MYT1L: variants seen among roughly 807,000 people sequenced by gnomAD.
MYT1L encodes myelin transcription factor 1-like protein.
MYT1L carries 12 observed loss-of-function variants against 126.7 expected under a neutral mutation model. The ratio of observed to expected loss-of-function variants is 0.09; its 90% CI spans 0.06 to 0.15. The LOEUF (loss-of-function observed/expected upper bound fraction) is 0.15, where lower values mean the gene tolerates loss of function less well. Among genes scored for constraint, MYT1L ranks in the 10% least tolerant of loss-of-function variants. The pLI, the probability that MYT1L is intolerant of heterozygous loss-of-function variation, is 1.00. For synonymous variants in MYT1L, 541 were observed against 604.2 expected, an observed-to-expected ratio of 0.90 and a Z score of 1.53; for missense variants, 979 against 1,585.2, an observed-to-expected ratio of 0.62 and a Z score of 6.49.
At chr2:1,828,894 T>C (rs1357503261) in intron 21 of MYT1L, among the ~76,000 whole-genome samples, 2 of 152,330 alleles carry the variant, frequency 1.3e-5, no homozygotes, top group East Asian at 1.9e-4. Context: ...TCTTAAGATA[T>C]GAGTTACTTC....
intron 4 of MYT1L, among the ~76,000 whole-genome samples, chr2:2,043,625 A>T (rs6759709): frequency 6.6e-6 from 1 of 151,788 alleles, no homozygotes; most frequent in Admixed American, 6.6e-5. Context: ...CTCCTCCCCC[A>T]ATGGGTCCAT....
At chr2:2,048,702 A>C (rs2068469658) in intron 4 of MYT1L, among the ~76,000 whole-genome samples, 1 of 152,174 alleles carries the variant, frequency 6.6e-6, no homozygotes, top group African/African-American at 2.4e-5. Context: ...CTTAGATCTG[A>C]ATCCCCCTAA....
chr2:1,903,024 C>A (rs1370775561), intron 14 of MYT1L, 56 bp downstream of exon 14: 2 of 1,503,376 alleles, frequency 1.3e-6, no homozygotes, highest in Non-Finnish European at 1.9e-6. Context: ...ATATACACAA[C>A]AACAACATCA....
At chr2:1,953,426 T>A (rs962268768) in intron 8 of MYT1L, among the ~76,000 whole-genome samples, 1 of 152,224 alleles carries the variant, frequency 6.6e-6, no homozygotes, top group African/African-American at 2.4e-5. Flanking sequence ...TGGAATTTTC[T>A]CTCCTACTGA....
Position 1,943,305 on chromosome 2 carries a change from C to CT in MYT1L, c.181dup (p.Arg61LysfsTer6). The CT allele has an allele frequency of 6.4e-7, 1 of 1,572,198 alleles. No individual in the cohort carries two copies. Among genetic ancestry groups the CT allele is most frequent in the Non-Finnish European group, 8.6e-7 (1 of 1,158,114 alleles). On this transcript the variant is annotated frameshift_variant, in exon 9 of 25. Transcript: ENST00000647738. LOFTEE classifies it high-confidence loss of function. The surrounding 1 kb of genome is among the most constrained non-coding windows in gnomAD (Gnocchi z 4.4). ...CTGGGGCTGTTTATCTTGTGTTTTT[C>CT]TTTTTTTCGCCAAGGGACAACCATA...
In MYT1L at chr2:1,790,999, T is replaced by C; in HGVS notation, c.*868A>G. On this transcript the variant is annotated 3_prime_UTR_variant, in exon 25 of 25. Coordinates refer to ENST00000647738, the MANE Select transcript of MYT1L (RefSeq NM_001303052.2). ...GATACGAGAAGGTTGTTCCAAAGTT[T>C]ATTGAAAATGGAAAAGGAAATCTTC... is the stretch of plus-strand genomic sequence containing the variant. 1.0e-5 allele frequency: 3 copies of C among 298,580 alleles called. No individual in the cohort carries two copies. The highest frequency in any genetic ancestry group is 1.3e-5 in the Non-Finnish European group (2 of 149,982). The allele number at this position is 298,580 out of a possible 1,614,324, so 18.5% of individuals were successfully genotyped here. A position where few individuals can be genotyped will look rare whatever the true frequency, so the allele number is the denominator to read the frequency against.
intron 3 of MYT1L, among the ~76,000 whole-genome samples, chr2:2,165,450 AT>A (rs1249976736): frequency 6.6e-6 from 1 of 152,212 alleles, no homozygotes; most frequent in African/African-American, 2.4e-5. Context: ...GTCAACATTT[AT>A]CTTCTAAGAA....
At chr2:2,208,254 G>A (rs760040354) in intron 2 of MYT1L, among the ~76,000 whole-genome samples, 1 of 152,230 alleles carries the variant, frequency 6.6e-6, no homozygotes. Context: ...TCCACTCCCA[G>A]TGAATGTGGG....
rs2031601582 is a variant in MYT1L at position 1,789,223 on chromosome 2, T to C, written c.*2644A>G. 1 of 152,214 alleles carries C rather than the reference T, an allele frequency of 6.6e-6. No homozygotes were observed. Among genetic ancestry groups the C allele is most frequent in the African/African-American group, 2.4e-5 (1 of 41,470 alleles). 9.4% of individuals were successfully genotyped at this position (152,214 alleles called of 1,614,324 possible). A position where few individuals can be genotyped will look rare whatever the true frequency, so the allele number is the denominator to read the frequency against. On this transcript the variant is annotated 3_prime_UTR_variant, in exon 25 of 25. Coordinates refer to ENST00000647738, the MANE Select transcript of MYT1L (RefSeq NM_001303052.2). The stretch of plus-strand genomic sequence containing the variant: ...CAAAGTTCACAATTTAAAAATGAAG[T>C]ATCACAGCAACTTGTGATTCCACAC...
chr2:1,899,950 G>A (rs954813118), intron 14 of MYT1L, among the ~76,000 whole-genome samples: 1 of 152,196 alleles, frequency 6.6e-6, no homozygotes, highest in Non-Finnish European at 1.5e-5. Flanking sequence ...TTTGTGAGTG[G>A]TTTGATCACA....
chr2:1,888,036 T>C (rs1166348210), intron 16 of MYT1L, among the ~76,000 whole-genome samples: 2 of 152,248 alleles, frequency 1.3e-5, no homozygotes, highest in African/African-American at 4.8e-5. Flanking sequence ...CATTGGTCAG[T>C]ATTTTACAAG....
At chr2:1,946,648 C>T (rs551238792) in intron 8 of MYT1L, among the ~76,000 whole-genome samples, 23 of 152,212 alleles carry the variant, frequency 1.5e-4, no homozygotes, top group Non-Finnish European at 3.2e-4. Flanking sequence ...ATAAGCAAAA[C>T]AAGAATAACA....
intron 13 of MYT1L, among the ~76,000 whole-genome samples, chr2:1,909,453 C>T (rs907757677): frequency 3.9e-5 from 6 of 152,072 alleles, no homozygotes; most frequent in South Asian, 2.1e-4. Flanking sequence ...GACAAGGACG[C>T]GTGTTTCTGC....
chr2:1,889,164 T>A lies in MYT1L; in HGVS notation c.2520+77A>T, dbSNP rs555665956. ...AAAATATATTTTCTCATAACGTATG[T>A]GCAAATGGCTTTTCTTTCAGCTGGG... is the stretch of plus-strand genomic sequence containing the variant. On this transcript the variant is annotated intron_variant, in intron 16 of 24. Coordinates refer to ENST00000647738, the MANE Select transcript of MYT1L (RefSeq NM_001303052.2). The surrounding 1 kb of genome is among the most constrained non-coding windows in gnomAD (Gnocchi z 4.1). 16 of 1,099,354 alleles carry A rather than the reference T, an allele frequency of 1.5e-5. No homozygotes were observed. In the South Asian group the frequency reaches 2.3e-4, roughly 15 times the overall value. The allele number at this position is 1,099,354 out of a possible 1,614,324, so 68.1% of individuals were successfully genotyped here. A position where few individuals can be genotyped will look rare whatever the true frequency, so the allele number is the denominator to read the frequency against.
At chr2:2,239,156 C>G (rs2094388549) in intron 2 of MYT1L, among the ~76,000 whole-genome samples, 1 of 152,244 alleles carries the variant, frequency 6.6e-6, no homozygotes. Context: ...ACTACCATTT[C>G]CAGTTTAGAG....
intron 3 of MYT1L, among the ~76,000 whole-genome samples, chr2:2,156,346 A>C (rs1483787813): frequency 6.6e-6 from 1 of 152,206 alleles, no homozygotes; most frequent in Non-Finnish European, 1.5e-5. Flanking sequence ...AGAAGCTGTG[A>C]CTATATTAAA....
intron 2 of MYT1L, among the ~76,000 whole-genome samples, chr2:2,245,280 T>A (rs2008412): frequency 6.6e-6 from 1 of 151,710 alleles, no homozygotes; most frequent in South Asian, 2.1e-4. Flanking sequence ...TCAAAGCATG[T>A]GCTGGGCCGA....
chr2:1,896,456 T>G (rs1034542740), intron 14 of MYT1L, among the ~76,000 whole-genome samples: 1 of 152,214 alleles, frequency 6.6e-6, no homozygotes, highest in South Asian at 2.1e-4. Context: ...AGTGGTGGAT[T>G]AGATAAAGAA....
intron 3 of MYT1L, among the ~76,000 whole-genome samples, chr2:2,085,956 G>A (rs1419573295): frequency 6.6e-6 from 1 of 152,202 alleles, no homozygotes; most frequent in Non-Finnish European, 1.5e-5. Context: ...TTGACCCAGG[G>A]AGAAGGGAAT....
Sources: allele counts gnomAD v4.1 joint callset (sites outside exome capture counted in the v4.1 genomes callset), GRCh38; gene constraint gnomAD v4.1.1; non-coding constraint Gnocchi (gnomAD v3.1); transcripts MANE v1.5; gene names NCBI Gene and HGNC (gene_info 2026-07-23, HGNC 2026-07-21).